Variants in CCDC102B observed in about 807,000 individuals in gnomAD.
CCDC102B encodes coiled-coil domain containing 102B.
A neutral mutation model predicts 57.4 loss-of-function variants in CCDC102B; 75 were observed. The ratio of observed to expected loss-of-function variants is 1.31; its 90% confidence interval spans 1.08 to 1.58. The LOEUF (loss-of-function observed/expected upper bound fraction) is 1.58, where lower values mean the gene tolerates loss of function less well. Ranked by LOEUF, CCDC102B falls within the 40% of genes most tolerant of loss-of-function variation. CCDC102B has a pLI of 0.00. For synonymous variants in CCDC102B, 206 were observed against 201.9 expected (o/e 1.02, Z -0.17); for missense variants, 636 against 582.6 (o/e 1.09, Z -0.94).
At position 68,798,092 on chromosome 18, in the gene CCDC102B, C is replaced by G. The variant is rs1483306640; in HGVS notation, c.-105C>G. ...AATCCTGTTGGCTAGGACTCCAGAA[C>G]TGTACGGATGAGAAAAGGATGCAGG... On this transcript the variant is annotated 5_prime_UTR_variant, in exon 1 of 8. Coordinates refer to ENST00000360242, the MANE Select transcript of CCDC102B (RefSeq NM_024781.3). 6.6e-6 allele frequency: 1 copy of G among 152,140 alleles called. No individual in the cohort carries two copies. Among genetic ancestry groups the G allele is most frequent in the Non-Finnish European group, 1.5e-5 (1 of 68,022 alleles). The allele number at this position is 152,140 out of a possible 1,614,324, so 9.4% of individuals were successfully genotyped here. A position where few individuals can be genotyped will look rare whatever the true frequency, so the allele number is the denominator to read the frequency against.
intron 2 of CCDC102B, among the ~76,000 whole-genome samples, chr18:68,757,589 T>G (rs1398322544): frequency 6.6e-6 from 1 of 152,198 alleles, no homozygotes; most frequent in African/African-American, 2.4e-5. Flanking sequence ...TTTATTGCTT[T>G]ATATTAATTG....
At chr18:69,019,570 G>A (rs1395635652) in intron 7 of CCDC102B, among the ~76,000 whole-genome samples, 1 of 151,964 alleles carries the variant, frequency 6.6e-6, no homozygotes, top group African/African-American at 2.4e-5. Context: ...TTTGCAGGTT[G>A]ATTTCTTATC....
chr18:68,759,380 A>G (rs762515754), intron 2 of CCDC102B, among the ~76,000 whole-genome samples: 1 of 152,128 alleles, frequency 6.6e-6, no homozygotes, highest in Non-Finnish European at 1.5e-5. Flanking sequence ...CTCAAAGAAT[A>G]GACATAAATA....
chr18:68,848,680 T>G (rs1358318776), intron 4 of CCDC102B, among the ~76,000 whole-genome samples: 1 of 152,082 alleles, frequency 6.6e-6, no homozygotes, highest in East Asian at 1.9e-4. Context: ...GCTTTTCCTT[T>G]GCAAGTCTGT....
chr18:68,945,637 T>C (rs2145182361), intron 6 of CCDC102B, among the ~76,000 whole-genome samples: 1 of 152,224 alleles, frequency 6.6e-6, no homozygotes, highest in South Asian at 2.1e-4. Context: ...GCTGTTACAA[T>C]GTAAACTTCA....
intron 6 of CCDC102B, among the ~76,000 whole-genome samples, chr18:68,946,705 G>C (rs1376930009): frequency 6.6e-6 from 1 of 151,916 alleles, no homozygotes; most frequent in East Asian, 1.9e-4. Flanking sequence ...TCCATCTGGG[G>C]AATTGTCATT....
intron 7 of CCDC102B, among the ~76,000 whole-genome samples, chr18:69,023,422 C>T (rs2051901581): frequency 6.6e-6 from 1 of 151,974 alleles, no homozygotes; most frequent in African/African-American, 2.4e-5. Context: ...TATTAATATA[C>T]AGTGTTTAGT....
chr18:68,983,684 C>G (rs796416563), intron 6 of CCDC102B, among the ~76,000 whole-genome samples: 12 of 152,002 alleles, frequency 7.9e-5, no homozygotes, highest in African/African-American at 2.6e-4. Flanking sequence ...AATGTGTTTA[C>G]TAGGAGATTG....
chr18:68,836,992 G>A lies in CCDC102B; in HGVS notation c.229G>A (p.Glu77Lys). ...WDICEELRLR[E>K]LEEVKARAAQ... ...TATTTGTGAAGAACTTCGCCTGCGG[G>A]AGCTTGAAGAAGTCAAGGCCAGAGC... The change falls in exon 2 of 8, where the codon GAG (glutamate) becomes AAG (lysine). Residue 77 changes from glutamate to lysine, a missense_variant. Transcript: ENST00000360242. 1 of 1,614,148 alleles carries A rather than the reference G, an allele frequency of 6.2e-7. No individual in the cohort carries two copies. Among genetic ancestry groups the A allele is most frequent in the Non-Finnish European group, 8.5e-7 (1 of 1,180,040 alleles).
At chr18:68,833,971 T>C (rs1269567328) in intron 1 of CCDC102B, among the ~76,000 whole-genome samples, 13 of 152,092 alleles carry the variant, frequency 8.5e-5, no homozygotes, top group Admixed American at 7.9e-4. Context: ...TTCATAGTTG[T>C]CTGAGCTAAA....
chr18:68,932,676 G>A (rs976456260), intron 6 of CCDC102B, among the ~76,000 whole-genome samples: 4 of 151,910 alleles, frequency 2.6e-5, no homozygotes, highest in Non-Finnish European at 5.9e-5. Context: ...GATTTGGGGA[G>A]AAGATACTAA....
intron 2 of CCDC102B, among the ~76,000 whole-genome samples, chr18:68,739,584 A>G (rs139279418): frequency 1.3e-5 from 2 of 152,326 alleles, no homozygotes; most frequent in African/African-American, 2.4e-5. Context: ...GGGTCCACCT[A>G]TAACTTGGTG....
chr18:68,881,153 A>G (rs1183354880), intron 5 of CCDC102B, among the ~76,000 whole-genome samples: 1 of 152,210 alleles, frequency 6.6e-6, no homozygotes, highest in African/African-American at 2.4e-5. Flanking sequence ...TTTGGAGGTG[A>G]GCAGGGATGA....
chr18:68,907,664 T>C (rs1042567715), intron 6 of CCDC102B, among the ~76,000 whole-genome samples: 1 of 152,238 alleles, frequency 6.6e-6, no homozygotes, highest in African/African-American at 2.4e-5. Context: ...GCTGAAGTTG[T>C]ATATTAGCTG....
intron 6 of CCDC102B, among the ~76,000 whole-genome samples, chr18:68,980,299 A>G (rs1292570061): frequency 6.6e-6 from 1 of 150,522 alleles, no homozygotes; most frequent in Non-Finnish European, 1.5e-5. Flanking sequence ...TTTATTGAAT[A>G]CCAAATGATA....
rs1272792651 is a variant in CCDC102B, at chr18:68,798,201, T to C, written c.-16+20T>C. On this transcript the variant is annotated intron_variant, in intron 1 of 7. Transcript: ENST00000360242. Reference sequence around the variant, plus strand: ...CAGAGGGTAAGAGTGTTTAATAACCTTGTGGTTTTCTATTTAATTTTTATA... The same window carrying C: ...CAGAGGGTAAGAGTGTTTAATAACCCTGTGGTTTTCTATTTAATTTTTATA... 1 of 152,098 alleles carries C rather than the reference T, an allele frequency of 6.6e-6. No homozygotes were observed. The highest frequency in any genetic ancestry group is 1.5e-5 in the Non-Finnish European group (1 of 68,008). The allele number at this position is 152,098 out of a possible 1,614,324, so 9.4% of individuals were successfully genotyped here. A position where few individuals can be genotyped will look rare whatever the true frequency, so the allele number is the denominator to read the frequency against.
chr18:68,837,356 A>G lies in CCDC102B; in HGVS notation c.593A>G (p.Asp198Gly). 1 of 1,607,800 alleles carries G rather than the reference A, an allele frequency of 6.2e-7. No individual in the cohort carries two copies. The highest frequency in any genetic ancestry group is 1.1e-5 in the South Asian group (1 of 90,096). The change falls in exon 2 of 8, where the codon GAC becomes GGC. Residue 198 changes from aspartate to glycine, a missense_variant. Coordinates refer to ENST00000360242, the MANE Select transcript of CCDC102B (RefSeq NM_024781.3). ...AAAAGACAATTTTCTACAAAGGAGGACACAAATAATAAGGTAAGAAAAAAA... is the reference window on the plus strand; with the variant it reads ...AAAAGACAATTTTCTACAAAGGAGGGCACAAATAATAAGGTAAGAAAAAAA... Reference protein sequence around the residue: ...LVKRQFSTKEDTNNKEQGVVI... With the variant: ...LVKRQFSTKEGTNNKEQGVVI...
chr18:69,007,820 A>G (rs1469247195), intron 6 of CCDC102B, among the ~76,000 whole-genome samples: 1 of 152,224 alleles, frequency 6.6e-6, no homozygotes, highest in Admixed American at 6.5e-5. Flanking sequence ...AAAATGGCCT[A>G]TGGCCGGGGT....
At chr18:68,849,332 T>G (rs188856531) in intron 4 of CCDC102B, among the ~76,000 whole-genome samples, 9 of 152,224 alleles carry the variant, frequency 5.9e-5, no homozygotes, top group Non-Finnish European at 1.3e-4. Flanking sequence ...AGTTCTGAGC[T>G]TACTGCTAAT....
Sources: allele counts gnomAD v4.1 joint callset (sites outside exome capture counted in the v4.1 genomes callset), GRCh38; gene constraint gnomAD v4.1.1; transcripts MANE v1.5; gene names NCBI Gene and HGNC (gene_info 2026-07-23, HGNC 2026-07-21).